NPEPL1: variants seen among roughly 807,000 people sequenced by gnomAD.
The protein encoded by NPEPL1 is probable aminopeptidase NPEPL1.
A neutral mutation model predicts 52.4 loss-of-function variants in NPEPL1; 45 were observed. The observed-to-expected ratio is 0.86, with a 90% CI of 0.68 to 1.10. The LOEUF is 1.10. Ranked by LOEUF, NPEPL1 falls within the 50% of genes least tolerant of loss-of-function variation. NPEPL1 has a pLI of 0.00. For missense variants in NPEPL1, 696 were observed against 710.9 expected (o/e 0.98, Z 0.24); for synonymous variants, 360 against 314.7 (o/e 1.14, Z -1.52).
Position 58,693,976 on chromosome 20 carries a change from C to G in NPEPL1, c.336+54C>G, listed in dbSNP as rs1007320418. On this transcript the variant is annotated intron_variant, in intron 2 of 11. Transcript: ENST00000356091. ...GTGCTCCTAGTCGGGCAGCGGTGAGCTCGGGCCTGGGGAGCTCACAGCCCT... is the reference window on the plus strand; with the variant it reads ...GTGCTCCTAGTCGGGCAGCGGTGAGGTCGGGCCTGGGGAGCTCACAGCCCT... 6 of 1,489,896 alleles carry G rather than the reference C, an allele frequency of 4.0e-6. No individual in the cohort carries two copies. The African/African-American group carries it at 8.3e-5, about 21-fold the overall frequency. 92.3% of individuals were successfully genotyped at this position (1,489,896 alleles called of 1,614,324 possible).
At chr20:58,714,786 G>C (rs1448014318) in intron 11 of NPEPL1, 116 bp downstream of exon 11, 1 of 819,906 alleles carries the variant, frequency 1.2e-6, no homozygotes, top group Non-Finnish European at 1.9e-6. Context: ...CTGTGACCCA[G>C]CTTCCAGCCC....
At position 58,712,422 on chromosome 20, in the gene NPEPL1, C is replaced by A. The variant is rs144657313; in HGVS notation, c.901-57C>A. 2.7e-4 allele frequency: 313 copies of A among 1,178,846 alleles called. 1 individual carries two copies. The African/African-American group carries it at 4.3e-3, about 16-fold the overall frequency. The allele number at this position is 1,178,846 out of a possible 1,614,324, so 73.0% of individuals were successfully genotyped here. A position where few individuals can be genotyped will look rare whatever the true frequency, so the allele number is the denominator to read the frequency against. On this transcript the variant is annotated intron_variant, in intron 7 of 11. Coordinates refer to ENST00000356091, the MANE Select transcript of NPEPL1 (RefSeq NM_024663.4). Reference sequence around the variant, plus strand: ...GGTCTGAGAACCCCCAGCTCGTCCTCCCCCCTCCCCAAACCTATGACCTAC... The same window carrying A: ...GGTCTGAGAACCCCCAGCTCGTCCTACCCCCTCCCCAAACCTATGACCTAC...
intron 7 of NPEPL1, 127 bp downstream of exon 7, chr20:58,707,327 G>T (rs2084757653): frequency 3.5e-6 from 3 of 859,722 alleles, no homozygotes; most frequent in Non-Finnish European, 5.3e-6. Flanking sequence ...GCGGATGCTT[G>T]TCCCCCCTCT....
chr20:58,715,340 G>T lies in NPEPL1; in HGVS notation c.*14G>T. On this transcript the variant is annotated 3_prime_UTR_variant, in exon 12 of 12. Coordinates refer to ENST00000356091, the MANE Select transcript of NPEPL1 (RefSeq NM_024663.4). ...AGGCTTGTGTGAGCCTCCTGCCTCGGCCCTGACAAACGGGGATCTTTTACC... is the reference window on the plus strand; with the variant it reads ...AGGCTTGTGTGAGCCTCCTGCCTCGTCCCTGACAAACGGGGATCTTTTACC... 2 of 1,589,476 alleles carry T rather than the reference G, an allele frequency of 1.3e-6. No individual in the cohort carries two copies. Among genetic ancestry groups the T allele is most frequent in the South Asian group, 2.3e-5 (2 of 88,358 alleles).
intron 10 of NPEPL1, 99 bp from the exon 11 acceptor site, chr20:58,714,461 G>T: frequency 1.2e-6 from 1 of 861,206 alleles, no homozygotes; most frequent in South Asian, 1.8e-5. Flanking sequence ...CAGCCACCCC[G>T]AGCTCCTTGC....
chr20:58,694,777 C>G (rs1224494830), intron 3 of NPEPL1, among the ~76,000 whole-genome samples, 185 bp downstream of exon 3: 1 of 152,204 alleles, frequency 6.6e-6, no homozygotes, highest in Non-Finnish European at 1.5e-5. Context: ...TCTGCCTCAG[C>G]GTGGTCTGTG....
chr20:58,699,158 GTGT>G lies in NPEPL1; in HGVS notation c.598-32_598-30del, dbSNP rs756587638. 1.6e-5 allele frequency: 24 copies of G among 1,529,778 alleles called. No homozygotes were observed. The East Asian group carries it at 3.8e-4, about 24-fold the overall frequency. The allele number at this position is 1,529,778 out of a possible 1,614,324, so 94.8% of individuals were successfully genotyped here. On this transcript the variant is annotated intron_variant, in intron 4 of 11. Coordinates refer to ENST00000356091, the MANE Select transcript of NPEPL1 (RefSeq NM_024663.4). ...CTCTCCTGTTTCCAGCCATCTTCAT[GTGT>G]TGTTGTGCTGTTGTTTTTTCCATGA...
chr20:58,706,466 A>G (rs1281145092), intron 6 of NPEPL1, among the ~76,000 whole-genome samples: 1 of 152,194 alleles, frequency 6.6e-6, no homozygotes, highest in Non-Finnish European at 1.5e-5. Context: ...CAGGGAGAGG[A>G]AGCTAGGCCC....
At chr20:58,693,438 C>T in intron 1 of NPEPL1, 1 of 318,274 alleles carries the variant, frequency 3.1e-6, no homozygotes, top group Non-Finnish European at 5.8e-6. Flanking sequence ...TGGCCCCTGC[C>T]CCCTCTCTGG....
chr20:58,715,278 C>T lies in NPEPL1; in HGVS notation c.1524C>T (p.Val508=), dbSNP rs143811563. 1.6e-4 allele frequency: 253 copies of T among 1,611,258 alleles called. No homozygotes were observed. In the African/African-American group the frequency reaches 2.2e-3, roughly 14 times the overall value. Residue 508 remains valine (V), a synonymous_variant, in exon 12 of 12, where the codon GTC becomes GTT. Coordinates refer to ENST00000356091, the MANE Select transcript of NPEPL1 (RefSeq NM_024663.4). The stretch of plus-strand genomic sequence containing the variant: ...CCCCACTGGGCTGTGAGGTGGATGT[C>T]GAGGAGGGGGACCTGGGGAGGGACT... The part of the protein sequence containing the change: ...LVSPLGCEVD[V]EEGDLGRDSK...
chr20:58,705,495 C>T (rs2084718765), intron 6 of NPEPL1: 1 of 456,140 alleles, frequency 2.2e-6, no homozygotes, highest in Non-Finnish European at 4.4e-6. Flanking sequence ...TTCATTTTCC[C>T]AGAGGGCACG....
intron 3 of NPEPL1, among the ~76,000 whole-genome samples, chr20:58,697,143 T>C (rs1430003203): frequency 6.6e-6 from 1 of 152,218 alleles, no homozygotes; most frequent in Non-Finnish European, 1.5e-5. Context: ...TCTCAGAGTC[T>C]TGCACGATGC....
intron 2 of NPEPL1, 28 bp from the exon 3 acceptor site, chr20:58,694,394 C>T (rs1322966776): frequency 1.9e-6 from 3 of 1,581,642 alleles, no homozygotes; most frequent in South Asian, 2.3e-5. Context: ...CCCTTGCACC[C>T]CTCACGCCGT....
At position 58,715,335 on chromosome 20, in the gene NPEPL1, C is replaced by G. The variant is rs1818247957; in HGVS notation, c.*9C>G. ...GACGCAGGCTTGTGTGAGCCTCCTG[C>G]CTCGGCCCTGACAAACGGGGATCTT... On this transcript the variant is annotated 3_prime_UTR_variant, in exon 12 of 12. Coordinates refer to ENST00000356091, the MANE Select transcript of NPEPL1 (RefSeq NM_024663.4). 1 of 1,592,676 alleles carries G rather than the reference C, an allele frequency of 6.3e-7. No homozygotes were observed. The highest frequency in any genetic ancestry group is 1.1e-5 in the South Asian group (1 of 88,676).
intron 6 of NPEPL1, chr20:58,704,502 CATAT>C (rs10546381): frequency 5.0e-6 from 2 of 397,684 alleles, no homozygotes; most frequent in Non-Finnish European, 6.8e-6. Flanking sequence ...TTAAAAATAA[CATAT>C]AAATCCATTG....
At chr20:58,690,055 A>C (rs2084321767), upstream of NPEPL1, among the ~76,000 whole-genome samples, 1 of 152,254 alleles carries the variant, frequency 6.6e-6, no homozygotes, top group African/African-American at 2.4e-5. Context: ...ATAGGGGTGA[A>C]GTCTGACATG....
Position 58,693,792 on chromosome 20 carries a change from T to C in NPEPL1, c.206T>C (p.Leu69Pro). Reference protein sequence around the residue: ...LNPNPTDSCPLYLNYATVAAL... With the variant: ...LNPNPTDSCPPYLNYATVAAL... The stretch of plus-strand genomic sequence containing the variant: ...CCCAACCCCACGGACAGCTGTCCCC[T>C]CTACCTGAACTACGCCACCGTGGCT... Residue 69 changes from leucine to proline, a missense_variant, in exon 2 of 12, where the codon CTC becomes CCC. Physicochemically the swap from Leu to Pro is moderately conservative, Grantham distance 98. Transcript: ENST00000356091. The C allele has an allele frequency of 1.9e-6, 3 of 1,613,794 alleles. No homozygotes were observed. The highest frequency in any genetic ancestry group is 2.5e-6 in the Non-Finnish European group (3 of 1,179,744).
upstream of NPEPL1, chr20:58,691,770 A>G: frequency 6.5e-7 from 1 of 1,530,062 alleles, no homozygotes; most frequent in Non-Finnish European, 8.8e-7. Context: ...GGCTTATGGA[A>G]CTACATGGAG....
upstream of NPEPL1, chr20:58,691,597 G>C (rs1315810166): frequency 1.6e-6 from 1 of 632,978 alleles, no homozygotes; most frequent in South Asian, 1.9e-5. Context: ...GGGGCTACAA[G>C]TTAGGGAGCT....
Sources: gnomAD v4.1 joint callset for allele counts (sites outside exome capture counted in the v4.1 genomes callset) on GRCh38, gnomAD v4.1.1 for gene constraint, MANE v1.5 for transcripts, NCBI Gene and HGNC (gene_info 2026-07-23, HGNC 2026-07-21) for gene names.